Variants in VPS13B observed in about 807,000 individuals in gnomAD.
VPS13B encodes the protein intermembrane lipid transfer protein VPS13B.
Under a neutral mutation model 426.4 loss-of-function variants are expected in VPS13B, and 285 were observed. The ratio of observed to expected loss-of-function variants is 0.67; its 90% CI spans 0.61 to 0.74. The LOEUF (loss-of-function observed/expected upper bound fraction) is 0.74. Ranked by LOEUF, VPS13B falls within the 30% of genes least tolerant of loss-of-function variation. The probability of loss-of-function intolerance (pLI) is 0.00; values close to 1 mark genes in which losing one functional copy is unlikely to be tolerated. For missense variants in VPS13B, 4,537 were observed against 4,782.6 expected (o/e 0.95, Z 1.51); for synonymous variants, 1,676 against 1,676.4 (o/e 1.00, Z 0.01).
chr8:99,040,661 G>A (rs1842927839), intron 3 of VPS13B, among the ~76,000 whole-genome samples: 1 of 152,096 alleles, frequency 6.6e-6, no homozygotes, highest in African/African-American at 2.4e-5. Context: ...AGTATTTCAA[G>A]TTATTACATT....
At chr8:99,539,600 G>A (rs770637386) in intron 30 of VPS13B, among the ~76,000 whole-genome samples, 16 of 151,954 alleles carry the variant, frequency 1.1e-4, no homozygotes, top group Non-Finnish European at 2.4e-4. Context: ...TAAAACATTA[G>A]CCAGGTACAC....
chr8:99,796,235 A>C (rs1173287926), intron 43 of VPS13B, among the ~76,000 whole-genome samples: 1 of 152,182 alleles, frequency 6.6e-6, no homozygotes, highest in East Asian at 1.9e-4. Context: ...TGGCGATTGG[A>C]ACATCATTGA....
chr8:99,019,796 A>G (rs188509735), intron 2 of VPS13B, among the ~76,000 whole-genome samples: 158 of 152,320 alleles, frequency 1.0e-3, no homozygotes, highest in Non-Finnish European at 5.6e-4. Flanking sequence ...AAGCTTATCT[A>G]TGTTGTAGCA....
intron 25 of VPS13B, among the ~76,000 whole-genome samples, chr8:99,483,905 G>A (rs1158951787): frequency 6.6e-6 from 1 of 152,042 alleles, no homozygotes; most frequent in Non-Finnish European, 1.5e-5. Context: ...GCATTGTGCA[G>A]TGTACAAACA....
At chr8:99,325,212 A>G (rs1416750945) in intron 19 of VPS13B, among the ~76,000 whole-genome samples, 2 of 152,190 alleles carry the variant, frequency 1.3e-5, no homozygotes, top group Non-Finnish European at 2.9e-5. Flanking sequence ...GGGCCCCCCA[A>G]AGTGTTGGAA....
At chr8:99,153,891 T>A (rs77547530) in intron 14 of VPS13B, among the ~76,000 whole-genome samples, 1 of 144,732 alleles carries the variant, frequency 6.9e-6, no homozygotes, top group African/African-American at 2.6e-5. Context: ...ATTCTCTGAA[T>A]TTTTTTTTTT....
At chr8:99,511,644 G>T in intron 29 of VPS13B, 132 bp downstream of exon 29, 1 of 881,678 alleles carries the variant, frequency 1.1e-6, no homozygotes, top group Non-Finnish European at 1.7e-6. Context: ...ATATTTTATA[G>T]AGAGGAAATA....
At chr8:99,430,330 C>A (rs1412388374) in intron 21 of VPS13B, among the ~76,000 whole-genome samples, 1 of 152,062 alleles carries the variant, frequency 6.6e-6, no homozygotes, top group African/African-American at 2.4e-5. Flanking sequence ...TATGGTACTA[C>A]TTATTTTGGA....
At chr8:99,128,386 CAAAAAAAAAAAAAAAAAAAAAAAAA>C (rs71273165) in intron 8 of VPS13B, among the ~76,000 whole-genome samples, 7 of 34,220 alleles carry the variant, frequency 2.0e-4, no homozygotes, top group South Asian at 2.0e-3. Context: ...GATACTGTCC[CAAAAAAAAAAAAAAAAAAAAAAAAA>C]AAAAAAAAAA....
chr8:99,212,846 A>C (rs1256778239), intron 17 of VPS13B, among the ~76,000 whole-genome samples: 1 of 152,144 alleles, frequency 6.6e-6, no homozygotes, highest in Non-Finnish European at 1.5e-5. Context: ...CTTTGCCTTC[A>C]CATCTCTTAT....
intron 52 of VPS13B, 24 bp downstream of exon 52, chr8:99,832,676 C>G (rs1249817747): frequency 6.2e-7 from 1 of 1,611,536 alleles, no homozygotes; most frequent in Non-Finnish European, 8.5e-7. Flanking sequence ...ATATAAATGT[C>G]TGTTCTTCTT....
chr8:99,117,535 A>G (rs937301864), intron 7 of VPS13B, among the ~76,000 whole-genome samples: 3 of 152,210 alleles, frequency 2.0e-5, no homozygotes, highest in African/African-American at 7.2e-5. Context: ...AAAACTGGAC[A>G]CAATTGAAAT....
At chr8:99,068,211 C>G (rs538154536) in intron 3 of VPS13B, among the ~76,000 whole-genome samples, 1 of 152,214 alleles carries the variant, frequency 6.6e-6, no homozygotes, top group Non-Finnish European at 1.5e-5. Flanking sequence ...AATACCTTGT[C>G]TTCTTTCCAG....
At chr8:99,854,316 G>A (rs1311879136) in intron 56 of VPS13B, 60 bp downstream of exon 56, 2 of 1,560,000 alleles carry the variant, frequency 1.3e-6, no homozygotes. Flanking sequence ...TGACACGCTT[G>A]GGGGTAGCAC....
chr8:99,035,363 A>G (rs1307488450), intron 2 of VPS13B, among the ~76,000 whole-genome samples: 1 of 152,162 alleles, frequency 6.6e-6, no homozygotes, highest in Non-Finnish European at 1.5e-5. Context: ...GACAACCACC[A>G]GTCTACTTTC....
At chr8:99,708,436 T>G (rs1403006732) in intron 36 of VPS13B, among the ~76,000 whole-genome samples, 1 of 152,170 alleles carries the variant, frequency 6.6e-6, no homozygotes, top group Non-Finnish European at 1.5e-5. Flanking sequence ...CATGACAAAT[T>G]CTTCCTTTTT....
chr8:99,113,501 G>T (rs902094522), intron 6 of VPS13B, among the ~76,000 whole-genome samples: 1 of 152,198 alleles, frequency 6.6e-6, no homozygotes, highest in African/African-American at 2.4e-5. Context: ...GTATTAAACA[G>T]ATATGGTCGA....
chr8:99,810,853 C>T (rs1813661037), intron 44 of VPS13B, among the ~76,000 whole-genome samples: 1 of 152,094 alleles, frequency 6.6e-6, no homozygotes. Flanking sequence ...AGAGAGCATT[C>T]CAAGTAGACA....
At chr8:99,459,747 G>C (rs1233081178) in intron 23 of VPS13B, among the ~76,000 whole-genome samples, 2 of 152,134 alleles carry the variant, frequency 1.3e-5, no homozygotes, top group Admixed American at 1.3e-4. Context: ...GTCATTAAGT[G>C]AAACATTGTT....
Sources: gnomAD v4.1 joint callset for allele counts (sites outside exome capture counted in the v4.1 genomes callset) on GRCh38, gnomAD v4.1.1 for gene constraint, MANE v1.5 for transcripts, NCBI Gene and HGNC (gene_info 2026-07-23, HGNC 2026-07-21) for gene names.